The following STRN3 variants were observed in gnomAD, a reference collection of about 807,000 sequenced individuals.
STRN3 encodes the protein striatin-3.
Under a neutral mutation model 95.6 loss-of-function variants are expected in STRN3, and 29 were observed. The ratio of observed to expected loss-of-function variants is 0.30; its 90% CI spans 0.23 to 0.41. The LOEUF is 0.41. STRN3 is among the 10% of genes least tolerant of loss of function. The pLI, the probability that STRN3 is intolerant of heterozygous loss-of-function variation, is 1.00. For synonymous variants in STRN3, 331 were observed against 357.6 expected (o/e 0.93, Z 0.84); for missense variants, 890 against 972.1 (o/e 0.92, Z 1.12).
chr14:31,005,612 A>G (rs1882677709), intron 1 of STRN3, among the ~76,000 whole-genome samples: 2 of 152,236 alleles, frequency 1.3e-5, no homozygotes, highest in South Asian at 4.1e-4. Flanking sequence ...ATGGAGATGT[A>G]AGAGAGAATT....
chr14:30,939,009 C>T (rs1180748291), intron 5 of STRN3, among the ~76,000 whole-genome samples: 1 of 152,096 alleles, frequency 6.6e-6, no homozygotes. Context: ...GAGTCAGAGA[C>T]AAGAATTCTC....
At chr14:30,903,850 A>G (rs528456727) in intron 15 of STRN3, among the ~76,000 whole-genome samples, 11 of 152,320 alleles carry the variant, frequency 7.2e-5, no homozygotes, top group South Asian at 2.1e-4. Context: ...TCACTAGTGG[A>G]ATATACCCTA....
chr14:31,007,779 A>C (rs1421635573), intron 1 of STRN3, among the ~76,000 whole-genome samples: 7 of 152,078 alleles, frequency 4.6e-5, no homozygotes, highest in Admixed American at 4.6e-4. Context: ...GATGTCATTC[A>C]CCTATAGTCT....
At chr14:31,013,120 T>C (rs977535851) in intron 1 of STRN3, among the ~76,000 whole-genome samples, 11 of 148,892 alleles carry the variant, frequency 7.4e-5, no homozygotes, top group African/African-American at 2.5e-4. Context: ...ACAACAAAAT[T>C]AGTCAGGTGT....
At position 30,935,151 on chromosome 14, in the gene STRN3, T is replaced by A. The variant is rs1878757324; in HGVS notation, c.988+12A>T. 6.2e-7 allele frequency: 1 copy of A among 1,612,492 alleles called. No individual in the cohort carries two copies. The highest frequency in any genetic ancestry group is 8.5e-7 in the Non-Finnish European group (1 of 1,179,500). Reference sequence around the variant, plus strand: ...AGATTTCCTCCCACCCGGTATTTCTTTATCACCTTACCCCATTCTGTGCCA... The same window carrying A: ...AGATTTCCTCCCACCCGGTATTTCTATATCACCTTACCCCATTCTGTGCCA... On this transcript the variant is annotated intron_variant, in intron 7 of 17. Transcript: ENST00000357479.
chr14:30,947,259 G>A lies in STRN3; in HGVS notation c.547C>T (p.Leu183Phe). ...GTATCTGTATAACCTACTTCCTGAA[G>A]ATACCTGTAAGAGAAAATAAATATT... ...KQGRQLLRQY[L>F]QEVGYTDTIL... The change falls in exon 5 of 18, where the codon CTT becomes TTT. Residue 183 changes from leucine (L) to phenylalanine (F), a missense_variant. Physicochemically the swap from Leu to Phe is conservative, Grantham distance 22. This residue lies in a region of STRN3 where 526 missense variants were observed against 526.3 expected (regional missense o/e 1.00). Coordinates refer to ENST00000357479, the MANE Select transcript of STRN3 (RefSeq NM_001083893.2). 1 of 1,580,970 alleles carries A rather than the reference G, an allele frequency of 6.3e-7. No homozygotes were observed. Among genetic ancestry groups the A allele is most frequent in the Non-Finnish European group, 8.6e-7 (1 of 1,168,330 alleles).
intron 16 of STRN3, among the ~76,000 whole-genome samples, chr14:30,896,195 G>A (rs1220855179): frequency 2.6e-5 from 4 of 152,156 alleles, no homozygotes; most frequent in Admixed American, 1.3e-4. Context: ...ATGTTTTCAA[G>A]AGAATTTTAA....
At chr14:30,905,595 TA>T (rs1566427369) in intron 14 of STRN3, 37 bp from the exon 15 acceptor site, 1 of 1,551,628 alleles carries the variant, frequency 6.4e-7, no homozygotes, top group Non-Finnish European at 8.6e-7. Context: ...GTAAACAAAG[TA>T]AAATTACTAT....
At chr14:30,934,198 C>A (rs1292691039) in intron 7 of STRN3, among the ~76,000 whole-genome samples, 2 of 152,180 alleles carry the variant, frequency 1.3e-5, no homozygotes, top group Non-Finnish European at 2.9e-5. Flanking sequence ...GTGGTGCACG[C>A]CTGTAATCCC....
Position 30,896,321 on chromosome 14 carries a change from T to A in STRN3, c.2138-573A>T, listed in dbSNP as rs1163983956. Among the ~76,000 whole-genome samples, 5 of 152,256 alleles carry A rather than the reference T, an allele frequency of 3.3e-5. No homozygotes were observed. In the East Asian group the frequency reaches 9.7e-4, roughly 29 times the overall value. ...ATGACAATAGGATTGCATCAAAGGC[T>A]CAAGATCGTGTAAACTGGAATTAAA... On this transcript the variant is annotated intron_variant, in intron 16 of 17. Transcript: ENST00000357479.
At chr14:30,913,238 T>C (rs1316521466) in intron 10 of STRN3, among the ~76,000 whole-genome samples, 1 of 152,140 alleles carries the variant, frequency 6.6e-6, no homozygotes, top group African/African-American at 2.4e-5. Flanking sequence ...CACCAAAATA[T>C]GGCTTAATTT....
In STRN3 at chr14:30,936,600, C is replaced by T. The variant is rs1251104725; in HGVS notation, c.741G>A (p.Thr247=). 6.2e-7 allele frequency: 1 copy of T among 1,613,568 alleles called. No individual in the cohort carries two copies. Residue 247 remains threonine (T), a synonymous_variant, in exon 6 of 18, where the codon ACG becomes ACA. Transcript: ENST00000357479. ...IKRSSGDVLE[T]FNFLENADDS... Reference sequence around the variant, plus strand: ...CATCGGCATTTTCTAAGAAATTGAACGTCTCAAGAACATCACCAGAGGACC... The same window carrying T: ...CATCGGCATTTTCTAAGAAATTGAATGTCTCAAGAACATCACCAGAGGACC...
At chr14:30,903,358 A>T (rs1180091126) in intron 15 of STRN3, among the ~76,000 whole-genome samples, 1 of 152,208 alleles carries the variant, frequency 6.6e-6, no homozygotes, top group Non-Finnish European at 1.5e-5. Flanking sequence ...TTTTGGTTTA[A>T]GATCTGACCA....
Position 31,013,863 on chromosome 14 carries a change from TTTATTATTATTATTATTATTATTA to T in STRN3, c.282+12017_282+12040del, listed in dbSNP as rs548417882. Among the ~76,000 whole-genome samples, 425 of 81,034 alleles carry T rather than the reference TTTATTATTATTATTATTATTATTA, an allele frequency of 5.2e-3. 4 individuals are homozygous for T. Among genetic ancestry groups the T allele is most frequent in the African/African-American group, 0.014 (401 of 28,120 alleles). The allele number at this position is 81,034 out of a possible 152,430, so 53.2% of individuals were successfully genotyped here. ...TCCTGCCTTGGCTTCTCAAAGCAAT[TTTATTATTATTATTATTATTATTA>T]TTATTATTATTATTATTATTATTAT... On this transcript the variant is annotated intron_variant, in intron 1 of 17. Coordinates refer to ENST00000357479, the MANE Select transcript of STRN3 (RefSeq NM_001083893.2).
rs754048887 is a variant in STRN3 at position 30,911,801 on chromosome 14, G to T, written c.1574C>A (p.Pro525His). 5 of 1,604,878 alleles carry T rather than the reference G, an allele frequency of 3.1e-6. No individual in the cohort carries two copies. The East Asian group carries it at 1.1e-4, about 36-fold the overall frequency. The stretch of plus-strand genomic sequence containing the variant: ...CATGTGGGCCCTAAATGTGTAGATA[G>T]GCTCTACATCTAAAGAGGCACTCCT... ...AKKSASLDVE[P>H]IYTFRAHIGP... is the part of the protein sequence containing the mutation. Residue 525 changes from proline to histidine, a missense_variant, in exon 12 of 18, where the codon CCT becomes CAT. By Grantham distance (77) the Pro-to-His change is moderately conservative. This residue lies in a region of STRN3 where 357 missense variants were observed against 422.8 expected (regional missense o/e 0.84). Coordinates refer to ENST00000357479, the MANE Select transcript of STRN3 (RefSeq NM_001083893.2).
chr14:30,942,246 T>C (rs1879129437), intron 5 of STRN3, among the ~76,000 whole-genome samples: 1 of 152,158 alleles, frequency 6.6e-6, no homozygotes, highest in East Asian at 1.9e-4. Context: ...TGTTAATGCA[T>C]CTTAAGCCCT....
intron 3 of STRN3, among the ~76,000 whole-genome samples, chr14:30,951,472 T>C (rs1879637881): frequency 6.6e-6 from 1 of 152,264 alleles, no homozygotes; most frequent in East Asian, 1.9e-4. Flanking sequence ...GCTCAAGCGA[T>C]CCACCCACCT....
At position 30,968,504 on chromosome 14, in the gene STRN3, A is replaced by T. The variant is rs1880655430; in HGVS notation, c.283-12262T>A. 8.6e-5 allele frequency among the ~76,000 whole-genome samples: 13 copies of T among 151,952 alleles called. No individual in the cohort carries two copies. In the South Asian group the frequency reaches 2.7e-3, roughly 32 times the overall value. On this transcript the variant is annotated intron_variant, in intron 1 of 17. Transcript: ENST00000357479. ...AGACCACCCTGGCTAACACAGTGAA[A>T]CCCCGTCTCCACTGAAAATACAAAA...
At chr14:31,024,606 C>T (rs748292439) in intron 1 of STRN3, among the ~76,000 whole-genome samples, 7 of 152,146 alleles carry the variant, frequency 4.6e-5, no homozygotes, top group Non-Finnish European at 1.0e-4. Context: ...TTTAACTTCA[C>T]CCACTTTGTG....
Sources: allele counts gnomAD v4.1 joint callset (sites outside exome capture counted in the v4.1 genomes callset), GRCh38; gene constraint gnomAD v4.1.1; regional missense constraint gnomAD v4.1.1; transcripts MANE v1.5; gene names NCBI Gene and HGNC (gene_info 2026-07-23, HGNC 2026-07-21).